RYR2: variants seen among roughly 807,000 people sequenced by gnomAD.
The protein encoded by RYR2 is cardiac muscle ryanodine receptor-calcium release channel.
In RYR2, 227 loss-of-function variants were observed where a neutral mutation model predicts 601.1. The ratio of observed to expected loss-of-function variants is 0.38; its 90% confidence interval spans 0.34 to 0.42. The LOEUF (loss-of-function observed/expected upper bound fraction) is 0.42. RYR2 is among the 10% of genes least tolerant of loss of function. The pLI is 1.00. For missense variants in RYR2, 4,646 were observed against 6,156.5 expected (o/e 0.75, Z 8.21); for synonymous variants, 2,223 against 2,175.1 (o/e 1.02, Z -0.61).
At chr1:237,782,171 GTTA>G (rs1695175591) in intron 89 of RYR2, among the ~76,000 whole-genome samples, 2 of 119,442 alleles carry the variant, frequency 1.7e-5, no homozygotes, top group Non-Finnish European at 3.5e-5. Flanking sequence ...AGCTTATTTT[GTTA>G]TTGCTTTTTT....
chr1:237,677,600 A>G (rs6662515), intron 60 of RYR2, among the ~76,000 whole-genome samples: 55,781 of 151,996 alleles, frequency 0.37, 10,370 homozygotes, highest in South Asian at 0.41. Flanking sequence ...AGAAGCTTTA[A>G]CTTTCGGTCA....
intron 2 of RYR2, among the ~76,000 whole-genome samples, chr1:237,327,337 T>C (rs1454107925): frequency 1.3e-5 from 2 of 152,154 alleles, no homozygotes; most frequent in Non-Finnish European, 2.9e-5. Flanking sequence ...TCTGAAAAAA[T>C]AGCTGTAGCA....
intron 27 of RYR2, among the ~76,000 whole-genome samples, chr1:237,565,841 G>A (rs573044896): frequency 6.6e-6 from 1 of 152,118 alleles, no homozygotes; most frequent in South Asian, 2.1e-4. Flanking sequence ...TCCCCCTCTC[G>A]TCTCTCTCAA....
At chr1:237,588,017 C>G (rs1374552345) in intron 29 of RYR2, among the ~76,000 whole-genome samples, 1 of 152,158 alleles carries the variant, frequency 6.6e-6, no homozygotes, top group Non-Finnish European at 1.5e-5. Context: ...TTACACAATA[C>G]AATAGATTTT....
intron 1 of RYR2, among the ~76,000 whole-genome samples, chr1:237,170,312 C>G (rs569815678): frequency 6.6e-6 from 1 of 152,086 alleles, no homozygotes; most frequent in African/African-American, 2.4e-5. Flanking sequence ...GCAGCAAGTG[C>G]CAGGCTCTTA....
intron 80 of RYR2, 69 bp from the exon 81 acceptor site, chr1:237,756,219 A>G (rs1692940129): frequency 8.8e-6 from 9 of 1,017,792 alleles, no homozygotes; most frequent in Non-Finnish European, 1.4e-5. Context: ...GATGACTAAA[A>G]ATATGGTCTG....
chr1:237,773,448 TC>T, intron 86 of RYR2, 71 bp from the exon 87 acceptor site: 1 of 1,097,390 alleles, frequency 9.1e-7, no homozygotes, highest in Admixed American at 1.8e-5. Flanking sequence ...AGGCATAAAG[TC>T]CAAGACTGGT....
intron 1 of RYR2, among the ~76,000 whole-genome samples, chr1:237,220,834 A>G (rs1235086013): frequency 6.6e-6 from 1 of 152,176 alleles, no homozygotes; most frequent in African/African-American, 2.4e-5. Flanking sequence ...TGCCTCTTTC[A>G]TTAATAAATA....
At chr1:237,157,322 G>GAAAA (rs1675501776) in intron 1 of RYR2, among the ~76,000 whole-genome samples, 1 of 96,572 alleles carries the variant, frequency 1.0e-5, no homozygotes. Flanking sequence ...AAAAAAAAAA[G>GAAAA]AAAGAAAGAA....
chr1:237,196,384 A>C (rs1278128724), intron 1 of RYR2, among the ~76,000 whole-genome samples: 1 of 152,162 alleles, frequency 6.6e-6, no homozygotes, highest in Non-Finnish European at 1.5e-5. Context: ...TCACTTCTCC[A>C]CAAAATTCTA....
At chr1:237,413,272 G>C (rs1306342948) in intron 10 of RYR2, among the ~76,000 whole-genome samples, 14 of 152,036 alleles carry the variant, frequency 9.2e-5, no homozygotes, top group Non-Finnish European at 2.1e-4. Flanking sequence ...AAAATATGAA[G>C]AGGAACAATT....
chr1:237,453,372 A>T (rs1333241746), intron 14 of RYR2, among the ~76,000 whole-genome samples: 1 of 152,136 alleles, frequency 6.6e-6, no homozygotes, highest in Non-Finnish European at 1.5e-5. Context: ...ATCTTTGTGG[A>T]AGTGATGACA....
At chr1:237,162,533 G>A (rs1024254251) in intron 1 of RYR2, among the ~76,000 whole-genome samples, 8 of 151,880 alleles carry the variant, frequency 5.3e-5, no homozygotes, top group African/African-American at 1.5e-4. Flanking sequence ...TCCAAATATT[G>A]TATTAACAAC....
chr1:237,376,964 AGAT>A (rs1407451162), intron 7 of RYR2, among the ~76,000 whole-genome samples: 1 of 152,228 alleles, frequency 6.6e-6, no homozygotes, highest in African/African-American at 2.4e-5. Flanking sequence ...ACAAAAAACA[AGAT>A]GATTTTATAG....
chr1:237,214,640 A>G (rs1682967797), intron 1 of RYR2, among the ~76,000 whole-genome samples: 1 of 152,162 alleles, frequency 6.6e-6, no homozygotes, highest in Non-Finnish European at 1.5e-5. Flanking sequence ...TTTCAACATG[A>G]GCTTTGGAGG....
chr1:237,588,778 A>G (rs1008566581), intron 29 of RYR2, among the ~76,000 whole-genome samples: 1 of 152,068 alleles, frequency 6.6e-6, no homozygotes. Flanking sequence ...GGTTGCAGTG[A>G]GCCAAGATCA....
chr1:237,269,617 G>A (rs1477286037), intron 1 of RYR2, among the ~76,000 whole-genome samples: 2 of 152,164 alleles, frequency 1.3e-5, no homozygotes, highest in South Asian at 4.1e-4. Flanking sequence ...TAGAACCTGT[G>A]TTTTCCATTT....
Position 237,827,655 on chromosome 1 carries a change from T to A in RYR2, c.14591-726T>A, listed in dbSNP as rs1319029796. On this transcript the variant is annotated intron_variant, in intron 101 of 104. Transcript: ENST00000366574. ...AAAAAAAAAAAAAAAAAAAAATGAC[T>A]TGACTGGGCATGGTGGCTCACGCCT... Among the ~76,000 whole-genome samples the A allele has an allele frequency of 3.7e-5, 5 of 135,980 alleles. No individual in the cohort carries two copies. In the Admixed American group the frequency reaches 3.8e-4, roughly 10 times the overall value. The allele number at this position is 135,980 out of a possible 152,430, so 89.2% of individuals were successfully genotyped here.
intron 42 of RYR2, among the ~76,000 whole-genome samples, chr1:237,631,845 G>C (rs186119325): frequency 2.2e-5 from 3 of 137,896 alleles, no homozygotes; most frequent in Non-Finnish European, 3.1e-5. Context: ...AGCCAGGATG[G>C]TCTCGATCTC....
Sources: gnomAD v4.1 joint callset for allele counts (sites outside exome capture counted in the v4.1 genomes callset) on GRCh38, gnomAD v4.1.1 for gene constraint, MANE v1.5 for transcripts, NCBI Gene and HGNC (gene_info 2026-07-23, HGNC 2026-07-21) for gene names.